Variants in ATXN7L1 observed in about 807,000 individuals in gnomAD.
The protein encoded by ATXN7L1 is ataxin 7 like 1.
A neutral mutation model predicts 70.8 loss-of-function variants in ATXN7L1; 15 were observed. The ratio of observed to expected loss-of-function variants is 0.21; its 90% CI spans 0.14 to 0.33. The LOEUF (loss-of-function observed/expected upper bound fraction) is 0.33. Among genes scored for constraint, ATXN7L1 ranks in the 10% least tolerant of loss-of-function variants. The pLI, the probability that ATXN7L1 is intolerant of heterozygous loss-of-function variation, is 1.00. For synonymous variants in ATXN7L1, 440 were observed against 445.1 expected (o/e 0.99, Z 0.14); for missense variants, 975 against 1,097.1 (o/e 0.89, Z 1.57).
chr7:105,638,429 A>C lies in ATXN7L1; in HGVS notation c.1126T>G (p.Ser376Ala). 2 of 1,552,202 alleles carry C rather than the reference A, an allele frequency of 1.3e-6. No homozygotes were observed. The highest frequency in any genetic ancestry group is 2.0e-5 in the Admixed American group (1 of 50,984). ...SGPAQDSLLG[S>A]SGSSGPEPKV... ...GGTTCTGGCCCAGAGCTCCCTGAAG[A>C]CCCTAGCAGAGAATCCTGTGCCGGC... Residue 376 changes from serine (S) to alanine (A), a missense_variant, in exon 7 of 12, where the codon TCT becomes GCT. Ser to Ala is a moderately conservative substitution (Grantham distance 99, BLOSUM62 1). This residue lies in a region of ATXN7L1 where 635 missense variants were observed against 699.4 expected (regional missense o/e 0.91). Coordinates refer to ENST00000419735, the MANE Select transcript of ATXN7L1 (RefSeq NM_020725.2).
At chr7:105,623,582 G>T (rs1370089387) in intron 8 of ATXN7L1, among the ~76,000 whole-genome samples, 1 of 152,124 alleles carries the variant, frequency 6.6e-6, no homozygotes, top group African/African-American at 2.4e-5. Flanking sequence ...CTCAGTTCTG[G>T]TGCCATATGG....
intron 3 of ATXN7L1, among the ~76,000 whole-genome samples, chr7:105,669,623 G>A (rs1265978290): frequency 2.0e-5 from 3 of 152,046 alleles, no homozygotes; most frequent in African/African-American, 7.2e-5. Context: ...GGTGAGAAAG[G>A]TCATATAAGA....
chr7:105,621,426 A>C (rs1794917290), intron 8 of ATXN7L1, among the ~76,000 whole-genome samples: 1 of 152,158 alleles, frequency 6.6e-6, no homozygotes, highest in Admixed American at 6.5e-5. Flanking sequence ...ACCTGATTCG[A>C]CTATCAGTGT....
rs1428570191 is a variant in ATXN7L1 at position 105,704,189 on chromosome 7, T to C, written c.356-38901A>G. Among the ~76,000 whole-genome samples, 4 of 152,328 alleles carry C rather than the reference T, an allele frequency of 2.6e-5. No individual in the cohort carries two copies. In the East Asian group the frequency reaches 7.7e-4, roughly 29 times the overall value. On this transcript the variant is annotated intron_variant, in intron 3 of 11. Transcript: ENST00000419735. ...TAGACTTCAGGAAGGGATCCCTTAG[T>C]ACATTTTCCTCATCACCAGATTTTG...
At chr7:105,787,455 T>C (rs1311031362) in intron 3 of ATXN7L1, among the ~76,000 whole-genome samples, 1 of 152,078 alleles carries the variant, frequency 6.6e-6, no homozygotes, top group Non-Finnish European at 1.5e-5. Context: ...TTCTACACAT[T>C]ACAAACACAA....
At chr7:105,839,440 C>T (rs1022457542) in intron 2 of ATXN7L1, among the ~76,000 whole-genome samples, 9 of 152,168 alleles carry the variant, frequency 5.9e-5, no homozygotes, top group African/African-American at 1.9e-4. Flanking sequence ...GCAGCTTCCC[C>T]GTTTGGACTG....
At chr7:105,747,104 T>C (rs1798671109) in intron 3 of ATXN7L1, among the ~76,000 whole-genome samples, 1 of 152,236 alleles carries the variant, frequency 6.6e-6, no homozygotes, top group African/African-American at 2.4e-5. Flanking sequence ...AGCGCCAAAA[T>C]GATGTCTTTT....
At chr7:105,861,185 A>G (rs77511758) in intron 2 of ATXN7L1, among the ~76,000 whole-genome samples, 7,026 of 152,206 alleles carry the variant, frequency 0.046, 364 homozygotes, top group East Asian at 0.27. Context: ...TGCTGCTGCA[A>G]AGGGCAGGCC....
At chr7:105,701,969 G>A (rs1422142354) in intron 3 of ATXN7L1, among the ~76,000 whole-genome samples, 1 of 152,208 alleles carries the variant, frequency 6.6e-6, no homozygotes, top group Non-Finnish European at 1.5e-5. Flanking sequence ...TCAAGCAGAC[G>A]TGTTTGCTAG....
At chr7:105,681,953 A>G (rs1805610722) in intron 3 of ATXN7L1, among the ~76,000 whole-genome samples, 1 of 152,114 alleles carries the variant, frequency 6.6e-6, no homozygotes, top group Admixed American at 6.6e-5. Flanking sequence ...GGCTGGGCAC[A>G]GTGGCTCACA....
chr7:105,817,773 A>C (rs900759716), intron 2 of ATXN7L1, among the ~76,000 whole-genome samples: 2 of 152,152 alleles, frequency 1.3e-5, no homozygotes, highest in African/African-American at 4.8e-5. Flanking sequence ...AAATAAAATA[A>C]AAAATTAGCT....
intron 2 of ATXN7L1, chr7:105,819,735 C>G: frequency 5.1e-6 from 4 of 784,604 alleles, no homozygotes; most frequent in South Asian, 4.0e-5. Flanking sequence ...CACCTTCCGG[C>G]TGACCTCGAG....
intron 3 of ATXN7L1, among the ~76,000 whole-genome samples, chr7:105,753,546 G>C (rs1360532706): frequency 6.6e-6 from 1 of 152,146 alleles, no homozygotes; most frequent in Non-Finnish European, 1.5e-5. Context: ...AGGTCTGCTG[G>C]AGTGTGAGAT....
At chr7:105,624,404 C>G in intron 7 of ATXN7L1, 137 bp from the exon 8 acceptor site, 1 of 882,590 alleles carries the variant, frequency 1.1e-6, no homozygotes. Flanking sequence ...GTAATCCCGG[C>G]ACTTTGGGAG....
chr7:105,643,660 C>T (rs865897691), intron 4 of ATXN7L1, among the ~76,000 whole-genome samples: 7 of 152,348 alleles, frequency 4.6e-5, no homozygotes, highest in African/African-American at 7.2e-5. Context: ...GGCGTGCTGT[C>T]GGACGGCTTC....
At chr7:105,612,699 T>G (rs143481580) in intron 10 of ATXN7L1, among the ~76,000 whole-genome samples, 30 of 152,350 alleles carry the variant, frequency 2.0e-4, no homozygotes, top group African/African-American at 7.2e-4. Context: ...CCTCTCACCT[T>G]GGCCTCGGTT....
Position 105,607,876 on chromosome 7 carries a change from C to T in ATXN7L1, c.2562G>A (p.Thr854=), listed in dbSNP as rs767753692. 8.4e-6 allele frequency: 13 copies of T among 1,551,838 alleles called. No homozygotes were observed. The highest frequency in any genetic ancestry group is 1.7e-4 in the Middle Eastern group (1 of 6,016). The change falls in exon 12 of 12, where the codon ACG becomes ACA. Residue 854 remains threonine, a synonymous_variant. Transcript: ENST00000419735. The part of the protein sequence containing the change: ...PGHSRQNTNR[T]GRIRTLP ...GTTATGGAAGAGTCCTTATCCTGCCCGTTCTGTTTGTGTTCTTCTAGGAAA... is the reference window on the plus strand; with the variant it reads ...GTTATGGAAGAGTCCTTATCCTGCCTGTTCTGTTTGTGTTCTTCTAGGAAA...
intron 2 of ATXN7L1, among the ~76,000 whole-genome samples, chr7:105,841,202 A>C (rs1365488688): frequency 6.6e-6 from 1 of 152,182 alleles, no homozygotes; most frequent in East Asian, 1.9e-4. Context: ...GCACTCCTAG[A>C]AGGCCACATG....
At chr7:105,727,740 A>ATG (rs200197723) in intron 3 of ATXN7L1, among the ~76,000 whole-genome samples, 2,248 of 70,248 alleles carry the variant, frequency 0.032, 112 homozygotes, top group African/African-American at 0.14. Flanking sequence ...GTGTGTGTGT[A>ATG]TGTGTGTATA....
Sources: allele counts gnomAD v4.1 joint callset (sites outside exome capture counted in the v4.1 genomes callset), GRCh38; gene constraint gnomAD v4.1.1; regional missense constraint gnomAD v4.1.1; transcripts MANE v1.5; gene names NCBI Gene and HGNC (gene_info 2026-07-23, HGNC 2026-07-21).